The following SLC24A3 variants were observed in gnomAD, a reference collection of about 807,000 sequenced individuals.
The protein encoded by SLC24A3 is sodium/potassium/calcium exchanger 3.
Under a neutral mutation model 75.8 loss-of-function variants are expected in SLC24A3, and 28 were observed. That is an observed-to-expected ratio of 0.37 (90% CI 0.27 to 0.51). The LOEUF (loss-of-function observed/expected upper bound fraction) is 0.51. SLC24A3 is among the 20% of genes least tolerant of loss of function. The probability of loss-of-function intolerance (pLI) is 0.94; values close to 1 mark genes in which losing one functional copy is unlikely to be tolerated. For missense variants in SLC24A3, 663 were observed against 847.8 expected (o/e 0.78, Z 2.71); for synonymous variants, 372 against 334.1 (o/e 1.11, Z -1.24).
intron 2 of SLC24A3, among the ~76,000 whole-genome samples, chr20:19,299,746 T>C (rs183395139): frequency 2.7e-4 from 41 of 152,298 alleles, no homozygotes; most frequent in African/African-American, 9.6e-4. Context: ...TTCTGGAGGC[T>C]TTGACCTGTG....
At chr20:19,427,349 T>C (rs1449499081) in intron 2 of SLC24A3, among the ~76,000 whole-genome samples, 1 of 152,216 alleles carries the variant, frequency 6.6e-6, no homozygotes, top group Non-Finnish European at 1.5e-5. Flanking sequence ...TCTGCTTTAC[T>C]TTTGTCGGGT....
At chr20:19,518,898 G>A (rs1186936879) in intron 3 of SLC24A3, among the ~76,000 whole-genome samples, 3 of 152,222 alleles carry the variant, frequency 2.0e-5, no homozygotes, top group African/African-American at 7.2e-5. Context: ...GGAATATCCA[G>A]AAGGGAATGT....
intron 8 of SLC24A3, among the ~76,000 whole-genome samples, chr20:19,673,347 A>G (rs1356253623): frequency 6.6e-6 from 1 of 152,236 alleles, no homozygotes; most frequent in Non-Finnish European, 1.5e-5. Flanking sequence ...TGCTGCTTTC[A>G]AAGAGCTCTT....
At chr20:19,523,159 A>C (rs1022126289) in intron 3 of SLC24A3, among the ~76,000 whole-genome samples, 3 of 152,230 alleles carry the variant, frequency 2.0e-5, no homozygotes, top group Non-Finnish European at 2.9e-5. Flanking sequence ...AACTATCTTC[A>C]AAAGAAATTA....
intron 2 of SLC24A3, among the ~76,000 whole-genome samples, chr20:19,446,106 C>T (rs746835750): frequency 1.3e-5 from 2 of 152,164 alleles, no homozygotes; most frequent in Non-Finnish European, 2.9e-5. Context: ...CCCAGGACCC[C>T]AAGTTGCTGC....
chr20:19,508,646 C>T (rs140133746), intron 2 of SLC24A3, among the ~76,000 whole-genome samples: 2 of 152,328 alleles, frequency 1.3e-5, no homozygotes, highest in Non-Finnish European at 2.9e-5. Flanking sequence ...CCACTCCACT[C>T]AGGTCCCTGT....
chr20:19,334,678 G>T (rs1247580188), intron 2 of SLC24A3, among the ~76,000 whole-genome samples: 1 of 152,226 alleles, frequency 6.6e-6, no homozygotes, highest in East Asian at 1.9e-4. Context: ...CAGCAAGCAG[G>T]TGATTGCTGT....
At chr20:19,264,066 A>C (rs988287171) in intron 1 of SLC24A3, 1 of 151,852 alleles carries the variant, frequency 6.6e-6, no homozygotes, top group Non-Finnish European at 1.5e-5. Context: ...TAAAAAAAAA[A>C]AAAATGCTTA....
At chr20:19,275,143 G>C (rs1201773360) in intron 1 of SLC24A3, among the ~76,000 whole-genome samples, 1 of 152,160 alleles carries the variant, frequency 6.6e-6, no homozygotes, top group African/African-American at 2.4e-5. Flanking sequence ...TCACAGGGAG[G>C]GGAGAGTTAA....
intron 10 of SLC24A3, among the ~76,000 whole-genome samples, chr20:19,682,415 C>G (rs1317485528): frequency 6.6e-6 from 1 of 152,206 alleles, no homozygotes; most frequent in Non-Finnish European, 1.5e-5. Context: ...GCAGAAGTTT[C>G]CAGTCCTCCA....
At chr20:19,614,832 A>G (rs1173247663) in intron 6 of SLC24A3, among the ~76,000 whole-genome samples, 2 of 152,206 alleles carry the variant, frequency 1.3e-5, no homozygotes, top group African/African-American at 2.4e-5. Context: ...GTAATCAATA[A>G]TGAGGCTGGA....
At chr20:19,651,433 T>A (rs1322046295) in intron 6 of SLC24A3, among the ~76,000 whole-genome samples, 2 of 149,728 alleles carry the variant, frequency 1.3e-5, no homozygotes, top group African/African-American at 4.9e-5. Context: ...TTTCCTCTCC[T>A]CTGTCTGGTA....
chr20:19,541,368 T>C (rs919551220), intron 3 of SLC24A3, among the ~76,000 whole-genome samples: 4 of 152,338 alleles, frequency 2.6e-5, no homozygotes, highest in Admixed American at 1.3e-4. Flanking sequence ...CCTTCTCTTC[T>C]CTTTTTTCCC....
At chr20:19,325,793 TATAGAGAGAGAG>T (rs1464070885) in intron 2 of SLC24A3, among the ~76,000 whole-genome samples, 32 of 82,794 alleles carry the variant, frequency 3.9e-4, no homozygotes, top group South Asian at 2.5e-3. Flanking sequence ...TATATATATA[TATAGAGAGAGAG>T]AGAGAGAGAG....
intron 2 of SLC24A3, among the ~76,000 whole-genome samples, chr20:19,470,919 C>T (rs1987859674): frequency 6.6e-6 from 1 of 152,148 alleles, no homozygotes; most frequent in African/African-American, 2.4e-5. Context: ...ATCAGCAAAA[C>T]ACTGTGGGGG....
At chr20:19,462,097 C>T (rs1364537916) in intron 2 of SLC24A3, among the ~76,000 whole-genome samples, 4 of 152,086 alleles carry the variant, frequency 2.6e-5, no homozygotes, top group Non-Finnish European at 5.9e-5. Flanking sequence ...GTGCATGTTG[C>T]AGAGGTTTGG....
chr20:19,319,454 C>G (rs1984658587), intron 2 of SLC24A3, among the ~76,000 whole-genome samples: 5 of 152,240 alleles, frequency 3.3e-5, no homozygotes, highest in Admixed American at 3.3e-4. Context: ...CTTCCTCACT[C>G]ACAGTCAGCC....
At chr20:19,403,434 C>G (rs1321239162) in intron 2 of SLC24A3, among the ~76,000 whole-genome samples, 2 of 152,180 alleles carry the variant, frequency 1.3e-5, no homozygotes, top group Non-Finnish European at 2.9e-5. Flanking sequence ...ATGAGGTCAA[C>G]TCTGGGAGCC....
chr20:19,575,521 A>C (rs2031121934), intron 3 of SLC24A3, among the ~76,000 whole-genome samples: 1 of 152,192 alleles, frequency 6.6e-6, no homozygotes, highest in South Asian at 2.1e-4. Flanking sequence ...AGAGGGTTCT[A>C]AAAAGTTCCC....
Sources: gnomAD v4.1 joint callset for allele counts (sites outside exome capture counted in the v4.1 genomes callset) on GRCh38, gnomAD v4.1.1 for gene constraint, MANE v1.5 for transcripts, NCBI Gene and HGNC (gene_info 2026-07-23, HGNC 2026-07-21) for gene names.